Variants in FSHR observed in about 807,000 individuals in gnomAD.
The protein encoded by FSHR is follicle-stimulating hormone receptor.
In FSHR, 46 loss-of-function variants were observed where a neutral mutation model predicts 52.1. The ratio of observed to expected loss-of-function variants is 0.88; its 90% confidence interval spans 0.70 to 1.13. The LOEUF (loss-of-function observed/expected upper bound fraction) is 1.13. Ranked by LOEUF, FSHR falls within the 50% of genes most tolerant of loss-of-function variation. The pLI is 0.00. For synonymous variants in FSHR, 399 were observed against 309.6 expected (o/e 1.29, Z -3.03); for missense variants, 964 against 834.6 (o/e 1.16, Z -1.91).
At chr2:49,111,166 A>G (rs1671407847) in intron 1 of FSHR, among the ~76,000 whole-genome samples, 1 of 152,158 alleles carries the variant, frequency 6.6e-6, no homozygotes, top group Non-Finnish European at 1.5e-5. Context: ...GCCATGTTCT[A>G]TATGTTGGAG....
At chr2:49,117,979 A>G (rs910939467) in intron 1 of FSHR, among the ~76,000 whole-genome samples, 3 of 152,190 alleles carry the variant, frequency 2.0e-5, no homozygotes, top group African/African-American at 7.2e-5. Context: ...TCACTTAGCA[A>G]ATATTGCTGA....
intron 1 of FSHR, among the ~76,000 whole-genome samples, chr2:49,085,462 A>C (rs978804367): frequency 1.6e-4 from 24 of 152,116 alleles, no homozygotes; most frequent in South Asian, 4.1e-4. Flanking sequence ...TCTCACCACT[A>C]CTATTCAACA....
At chr2:49,086,484 C>G (rs1670396369) in intron 1 of FSHR, among the ~76,000 whole-genome samples, 1 of 152,156 alleles carries the variant, frequency 6.6e-6, no homozygotes, top group South Asian at 2.1e-4. Context: ...ATTTCTGGTA[C>G]CTGAAAAGCT....
At chr2:49,055,917 C>T (rs1029664355) in intron 2 of FSHR, among the ~76,000 whole-genome samples, 3 of 152,012 alleles carry the variant, frequency 2.0e-5, no homozygotes, top group East Asian at 1.9e-4. Context: ...AGGAGTATTA[C>T]ATCTGGAAGT....
At position 48,968,772 on chromosome 2, in the gene FSHR, C is replaced by A. The variant is rs753789530; in HGVS notation, c.780G>T (p.Lys260Asn). The change falls in exon 9 of 10, where the codon AAG becomes AAT. Residue 260 changes from lysine (K) to asparagine (N), a missense_variant. Coordinates refer to ENST00000406846, the MANE Select transcript of FSHR (RefSeq NM_000145.4). ...GGCTGGCTTCCATGAGGGCGACAAG[C>A]TTTTCCAGAGTAGGCAGCTTTTTTA... ...YNLKKLPTLE[K>N]LVALMEASLT... The A allele has an allele frequency of 2.5e-6, 4 of 1,614,138 alleles. No homozygotes were observed. In the African/African-American group the frequency reaches 4.0e-5, roughly 16 times the overall value.
chr2:48,982,813 C>A, intron 8 of FSHR, 99 bp downstream of exon 8: 1 of 1,050,392 alleles, frequency 9.5e-7, no homozygotes, highest in South Asian at 1.3e-5. Context: ...AACTTGATGG[C>A]CAGCCCTGTG....
Position 48,988,990 on chromosome 2 carries a change from C to G in FSHR, c.511G>C (p.Glu171Gln), listed in dbSNP as rs1675644418. Residue 171 changes from glutamate to glutamine, a missense_variant, in exon 6 of 10, where the codon GAA becomes CAA. Physicochemically the swap from Glu to Gln is conservative, Grantham distance 29 (BLOSUM62 2). Transcript: ENST00000406846. ...ERNSFVGLSF[E>Q]SVILWLNKNG... ...CCCCTTACTTACAGAATCACACTTTCAAAGCTCAGCCCCACGAAAGAATTT... is the reference window on the plus strand; with the variant it reads ...CCCCTTACTTACAGAATCACACTTTGAAAGCTCAGCCCCACGAAAGAATTT... 1 of 1,613,826 alleles carries G rather than the reference C, an allele frequency of 6.2e-7. No homozygotes were observed. Among genetic ancestry groups the G allele is most frequent in the Middle Eastern group, 1.6e-4 (1 of 6,062 alleles).
chr2:49,120,065 T>C (rs1671754474), intron 1 of FSHR, among the ~76,000 whole-genome samples: 1 of 151,970 alleles, frequency 6.6e-6, no homozygotes, highest in Admixed American at 6.6e-5. Flanking sequence ...AGGTTAGGAG[T>C]ACCAGACCCA....
At chr2:49,109,590 G>A (rs1671353314) in intron 1 of FSHR, among the ~76,000 whole-genome samples, 1 of 152,006 alleles carries the variant, frequency 6.6e-6, no homozygotes, top group South Asian at 2.1e-4. Flanking sequence ...GGTGAAACAG[G>A]GCATCTCCTG....
chr2:49,048,024 G>A (rs1668720516), intron 2 of FSHR, among the ~76,000 whole-genome samples: 1 of 152,074 alleles, frequency 6.6e-6, no homozygotes, highest in Non-Finnish European at 1.5e-5. Context: ...GTTTACAGGT[G>A]CCCACCACCA....
At chr2:49,148,839 T>C (rs1240374509) in intron 1 of FSHR, among the ~76,000 whole-genome samples, 1 of 152,024 alleles carries the variant, frequency 6.6e-6, no homozygotes, top group Non-Finnish European at 1.5e-5. Context: ...AGTAGGCTCC[T>C]GTTGGAGAAT....
chr2:48,982,629 G>A (rs770192548), intron 8 of FSHR, among the ~76,000 whole-genome samples: 2 of 152,176 alleles, frequency 1.3e-5, no homozygotes, highest in Non-Finnish European at 2.9e-5. Flanking sequence ...ACCACAGGGG[G>A]TGATTATAAG....
intron 1 of FSHR, among the ~76,000 whole-genome samples, chr2:49,083,776 A>C (rs1430319391): frequency 6.8e-6 from 1 of 147,304 alleles, no homozygotes; most frequent in Non-Finnish European, 1.5e-5. Flanking sequence ...AAAGGGATCA[A>C]TTCAACAAGA....
intron 1 of FSHR, among the ~76,000 whole-genome samples, chr2:49,121,051 A>C (rs1671801340): frequency 6.6e-6 from 1 of 152,234 alleles, no homozygotes; most frequent in African/African-American, 2.4e-5. Context: ...TTCACCTAAC[A>C]TGGTCATCCT....
chr2:49,126,072 C>G (rs1671985234), intron 1 of FSHR, among the ~76,000 whole-genome samples: 1 of 152,124 alleles, frequency 6.6e-6, no homozygotes. Flanking sequence ...CCTAGAATCA[C>G]AAATGACAAA....
chr2:49,078,989 TAC>T (rs573082606), intron 1 of FSHR, among the ~76,000 whole-genome samples: 1 of 152,020 alleles, frequency 6.6e-6, no homozygotes, highest in African/African-American at 2.4e-5. Context: ...CATCATTGTT[TAC>T]ACACACACAC....
At chr2:49,140,142 A>G (rs1353527254) in intron 1 of FSHR, among the ~76,000 whole-genome samples, 1 of 152,110 alleles carries the variant, frequency 6.6e-6, no homozygotes, top group African/African-American at 2.4e-5. Context: ...CCCAACGCTC[A>G]TGTTAAAATA....
At chr2:49,000,911 A>G (rs1380078244) in intron 4 of FSHR, among the ~76,000 whole-genome samples, 1 of 152,182 alleles carries the variant, frequency 6.6e-6, no homozygotes, top group Admixed American at 6.5e-5. Flanking sequence ...AACTGGTTAC[A>G]GAGGTCACAA....
chr2:49,025,674 G>C (rs894952669), intron 2 of FSHR, among the ~76,000 whole-genome samples: 1 of 152,184 alleles, frequency 6.6e-6, no homozygotes, highest in African/African-American at 2.4e-5. Flanking sequence ...GAGACCTTGT[G>C]ACAGTCAACC....
Sources: allele counts gnomAD v4.1 joint callset (sites outside exome capture counted in the v4.1 genomes callset), GRCh38; gene constraint gnomAD v4.1.1; transcripts MANE v1.5; gene names NCBI Gene and HGNC (gene_info 2026-07-23, HGNC 2026-07-21).